GRXCR2: variants seen among roughly 807,000 people sequenced by gnomAD.
The protein encoded by GRXCR2 is glutaredoxin and cysteine rich domain containing 2.
Under a neutral mutation model 24.8 loss-of-function variants are expected in GRXCR2, and 23 were observed. The observed-to-expected ratio is 0.93, with a 90% CI of 0.67 to 1.32. The LOEUF (loss-of-function observed/expected upper bound fraction) is 1.32. GRXCR2 is among the 40% of genes most tolerant of loss of function. GRXCR2 has a pLI of 0.00. For missense variants in GRXCR2, 315 were observed against 303.4 expected, an observed-to-expected ratio of 1.04 and a Z score of -0.28; for synonymous variants, 130 against 116.1, an observed-to-expected ratio of 1.12 and a Z score of -0.77.
At chr5:145,876,028 A>G (rs1238066913), upstream of GRXCR2, among the ~76,000 whole-genome samples, 1 of 151,482 alleles carries the variant, frequency 6.6e-6, no homozygotes, top group Non-Finnish European at 1.5e-5. Context: ...TTATCTGGGC[A>G]TGGTGGTGCT....
At chr5:145,876,210 TATATATAC>T (rs1198135914), upstream of GRXCR2, among the ~76,000 whole-genome samples, 9 of 140,120 alleles carry the variant, frequency 6.4e-5, no homozygotes, top group South Asian at 8.9e-4. Context: ...TATATATATA[TATATATAC>T]ACACACACAC....
At chr5:145,906,634 G>A (rs2081530757) in intron 2 of GRXCR2, among the ~76,000 whole-genome samples, 1 of 152,156 alleles carries the variant, frequency 6.6e-6, no homozygotes, top group Admixed American at 6.5e-5. Flanking sequence ...GTCATGGAAT[G>A]ATTCCTGATT....
chr5:145,862,863 G>T (rs1756363824), intron 2 of GRXCR2, among the ~76,000 whole-genome samples: 1 of 152,050 alleles, frequency 6.6e-6, no homozygotes, highest in Admixed American at 6.6e-5. Context: ...TACCTCACAG[G>T]GTTCTTGAAA....
downstream of GRXCR2, among the ~76,000 whole-genome samples, chr5:145,858,268 T>C (rs1453773884): frequency 2.1e-5 from 3 of 143,172 alleles, no homozygotes; most frequent in African/African-American, 7.7e-5. Context: ...GAACAAAGAT[T>C]GCACCACTGC....
chr5:145,904,799 G>A (rs1224606269), intron 2 of GRXCR2, among the ~76,000 whole-genome samples: 1 of 152,166 alleles, frequency 6.6e-6, no homozygotes, highest in Non-Finnish European at 1.5e-5. Context: ...CCATCTAGAG[G>A]CTGGACCAGT....
In GRXCR2 at chr5:145,872,628, C is replaced by A; in HGVS notation, c.336+5G>T. 6.3e-7 allele frequency: 1 copy of A among 1,586,830 alleles called. No homozygotes were observed. The highest frequency in any genetic ancestry group is 1.2e-5 in the South Asian group (1 of 86,836). On this transcript the variant is annotated splice_donor_5th_base_variant and intron_variant, in intron 1 of 2. Coordinates refer to ENST00000377976, the MANE Select transcript of GRXCR2 (RefSeq NM_001080516.2). ...TAAAGCCTATATGCCATGCACAATACCAACCTTATGGTCATTCGCCTTGTA... is the reference window on the plus strand; with the variant it reads ...TAAAGCCTATATGCCATGCACAATAACAACCTTATGGTCATTCGCCTTGTA...
chr5:145,866,387 A>C, intron 2 of GRXCR2, 114 bp downstream of exon 2: 1 of 663,790 alleles, frequency 1.5e-6, no homozygotes, highest in Non-Finnish European at 2.7e-6. Flanking sequence ...AAGTTTAGGT[A>C]TCTTAAGTAT....
At chr5:145,908,058 A>C (rs958220569) in intron 2 of GRXCR2, among the ~76,000 whole-genome samples, 85 of 152,130 alleles carry the variant, frequency 5.6e-4, no homozygotes, top group African/African-American at 2.0e-3. Flanking sequence ...CAGCCTTACC[A>C]GTTCTATGAG....
At chr5:145,909,611 G>A (rs545006199) in intron 2 of GRXCR2, among the ~76,000 whole-genome samples, 15 of 152,240 alleles carry the variant, frequency 9.9e-5, no homozygotes, top group Non-Finnish European at 2.1e-4. Context: ...TTTGGTTGTG[G>A]TCTGTCTCCT....
At chr5:145,864,101 T>C (rs1756387762) in intron 2 of GRXCR2, among the ~76,000 whole-genome samples, 1 of 152,126 alleles carries the variant, frequency 6.6e-6, no homozygotes, top group South Asian at 2.1e-4. Flanking sequence ...GACAGGTCAA[T>C]CCTAGAGGAT....
chr5:145,925,156 G>A (rs1363077614), intron 2 of GRXCR2, among the ~76,000 whole-genome samples: 1 of 152,122 alleles, frequency 6.6e-6, no homozygotes, highest in Non-Finnish European at 1.5e-5. Context: ...AGAAAACCAA[G>A]CACAGCATGT....
chr5:145,887,152 G>A (rs1756789487), intron 2 of GRXCR2, among the ~76,000 whole-genome samples: 1 of 152,158 alleles, frequency 6.6e-6, no homozygotes, highest in Non-Finnish European at 1.5e-5. Context: ...CTGGAGTGCA[G>A]TAGCACGATC....
chr5:145,904,792 T>A (rs1279793251), intron 2 of GRXCR2, among the ~76,000 whole-genome samples: 1 of 152,184 alleles, frequency 6.6e-6, no homozygotes, highest in Non-Finnish European at 1.5e-5. Flanking sequence ...GTTTCAGCCA[T>A]CTAGAGGCTG....
At chr5:145,876,001 A>G (rs1011517001), upstream of GRXCR2, among the ~76,000 whole-genome samples, 1 of 151,652 alleles carries the variant, frequency 6.6e-6, no homozygotes, top group Non-Finnish European at 1.5e-5. Flanking sequence ...TTGTCTCTAC[A>G]AAAAGTTTTT....
chr5:145,901,386 C>G (rs1046005946), intron 2 of GRXCR2, among the ~76,000 whole-genome samples: 2 of 151,934 alleles, frequency 1.3e-5, no homozygotes, highest in Admixed American at 1.3e-4. Flanking sequence ...TGTTTACTAA[C>G]CCATTATAAA....
At chr5:145,866,334 G>C (rs1406896380) in intron 2 of GRXCR2, among the ~76,000 whole-genome samples, 167 bp downstream of exon 2, 1 of 152,170 alleles carries the variant, frequency 6.6e-6, no homozygotes, top group Non-Finnish European at 1.5e-5. Context: ...TGCTAACAAT[G>C]TACCATTAAA....
At chr5:145,923,113 AAC>A (rs1337136778) in intron 2 of GRXCR2, among the ~76,000 whole-genome samples, 3 of 152,228 alleles carry the variant, frequency 2.0e-5, no homozygotes, top group African/African-American at 7.2e-5. Context: ...TACTTGGGGA[AAC>A]ACAGATTGCT....
In GRXCR2 at chr5:145,928,529, T is replaced by C. The variant is rs1757432765; in HGVS notation, c.-70+7172A>G. Among the ~76,000 whole-genome samples, 3 of 152,092 alleles carry C rather than the reference T, an allele frequency of 2.0e-5. No individual in the cohort carries two copies. The South Asian group carries it at 6.2e-4, about 32-fold the overall frequency. ...AAATGTCCAAAAATGATAGACTGGA[T>C]TAAGAAAATGTGGCACATATACACT... is the stretch of plus-strand genomic sequence containing the variant. On this transcript the variant is annotated intron_variant, in intron 2 of 3. Coordinates refer to the GRXCR2 transcript ENST00000639411.
intron 2 of GRXCR2, among the ~76,000 whole-genome samples, chr5:145,880,573 G>T (rs1756686833): frequency 6.6e-6 from 1 of 152,158 alleles, no homozygotes; most frequent in South Asian, 2.1e-4. Context: ...TCCAGGACCT[G>T]AAGGATTCAC....
Sources: allele counts gnomAD v4.1 joint callset (sites outside exome capture counted in the v4.1 genomes callset), GRCh38; gene constraint gnomAD v4.1.1; transcripts MANE v1.5; gene names NCBI Gene and HGNC (gene_info 2026-07-23, HGNC 2026-07-21).